The following BTAF1 variants were observed in gnomAD, a reference collection of about 807,000 sequenced individuals.
The protein encoded by BTAF1 is B-TFIID TATA-box binding protein associated factor 1.
A neutral mutation model predicts 227.1 loss-of-function variants in BTAF1; 38 were observed. That is an observed-to-expected ratio of 0.17 (90% CI 0.13 to 0.22). The LOEUF is 0.22. Ranked by LOEUF, BTAF1 falls within the 10% of genes least tolerant of loss-of-function variation. The probability of loss-of-function intolerance (pLI) is 1.00; values close to 1 mark genes in which losing one functional copy is unlikely to be tolerated. For synonymous variants in BTAF1, 742 were observed against 751.9 expected, an observed-to-expected ratio of 0.99 and a Z score of 0.21; for missense variants, 1,598 against 2,204.0, an observed-to-expected ratio of 0.73 and a Z score of 5.51.
At chr10:91,979,057 TTACAGGTGAGAA>T (rs2133973611) in intron 14 of BTAF1, among the ~76,000 whole-genome samples, 1 of 152,160 alleles carries the variant, frequency 6.6e-6, no homozygotes, top group African/African-American at 2.4e-5. Context: ...TAGCTCCCAC[TTACAGGTGAGAA>T]TATGTACTTC....
Position 91,989,423 on chromosome 10 carries a change from G to A in BTAF1, c.2697G>A (p.Gln899=), listed in dbSNP as rs773254244. ...CACTAGTGCAAAACTATGCAGCTCA[G>A]TGCATAGCTAAACTCCTTCAGCAGT... is the stretch of plus-strand genomic sequence containing the variant. ...ENTLVQNYAA[Q]CIAKLLQQCT... is the part of the protein sequence containing the mutation. The change falls in exon 20 of 38, where the codon CAG becomes CAA. Residue 899 remains glutamine (Q), a synonymous_variant. Transcript: ENST00000265990. 1.9e-6 allele frequency: 3 copies of A among 1,614,182 alleles called. No homozygotes were observed. In the South Asian group the frequency reaches 3.3e-5, roughly 18 times the overall value.
chr10:91,959,109 T>G lies in BTAF1; in HGVS notation c.945T>G (p.Ala315=). ...AGTGLREILK[A]HGKSGGKMGD... Reference sequence around the variant, plus strand: ...CTGGACTTAGGGAAATTCTTAAAGCTCATGGGAAAAGTGGTGGTAAAATGG... The same window carrying G: ...CTGGACTTAGGGAAATTCTTAAAGCGCATGGGAAAAGTGGTGGTAAAATGG... The change falls in exon 9 of 38, where the codon GCT becomes GCG. Residue 315 remains alanine (A), a synonymous_variant. Coordinates refer to ENST00000265990, the MANE Select transcript of BTAF1 (RefSeq NM_003972.3). 3.7e-6 allele frequency: 6 copies of G among 1,614,132 alleles called. No homozygotes were observed. Among genetic ancestry groups the G allele is most frequent in the Non-Finnish European group, 4.2e-6 (5 of 1,179,990 alleles).
At chr10:91,998,527 C>A (rs2134058427) in intron 25 of BTAF1, among the ~76,000 whole-genome samples, 1 of 152,132 alleles carries the variant, frequency 6.6e-6, no homozygotes, top group East Asian at 1.9e-4. Flanking sequence ...GGAGTACATT[C>A]ATGGGGGCAC....
chr10:91,991,069 A>AC (rs1204664984), intron 20 of BTAF1, among the ~76,000 whole-genome samples: 1 of 150,532 alleles, frequency 6.6e-6, no homozygotes, highest in African/African-American at 2.4e-5. Flanking sequence ...GCATGGTGAA[A>AC]CCCCGTCTGT....
At chr10:91,948,408 G>T (rs1845535919) in intron 4 of BTAF1, among the ~76,000 whole-genome samples, 2 of 137,512 alleles carry the variant, frequency 1.5e-5, no homozygotes, top group Admixed American at 7.4e-5. Flanking sequence ...TATTTATTTA[G>T]AGACAGGATC....
chr10:91,971,236 G>A (rs994726174), intron 14 of BTAF1, among the ~76,000 whole-genome samples: 1 of 151,818 alleles, frequency 6.6e-6, no homozygotes. Flanking sequence ...TATCTTCAGC[G>A]TATCTCTTTA....
At position 91,957,275 on chromosome 10, in the gene BTAF1, T is replaced by A; in HGVS notation, c.882T>A (p.Leu294=). The change falls in exon 8 of 38, where the codon CTT becomes CTA. Residue 294 remains leucine (L), a synonymous_variant. Coordinates refer to ENST00000265990, the MANE Select transcript of BTAF1 (RefSeq NM_003972.3). The part of the protein sequence containing the change: ...ESFCEELCND[L]FNPSWEVRHG... ...TTTGTGAAGAACTTTGCAATGACCT[T>A]TTTAATCCCTCCTGGGAGGTAAGAT... The A allele has an allele frequency of 6.2e-7, 1 of 1,612,436 alleles. No individual in the cohort carries two copies. Among genetic ancestry groups the A allele is most frequent in the Non-Finnish European group, 8.5e-7 (1 of 1,178,936 alleles).
chr10:92,028,760 T>TTA (rs1554871295), intron 37 of BTAF1, 30 bp from the exon 38 acceptor site: 130 of 543,048 alleles, frequency 2.4e-4, no homozygotes, highest in African/African-American at 1.9e-3. Flanking sequence ...TCTCATTTTA[T>TTA]TTTTTTTTTT....
At chr10:91,953,964 C>A in intron 6 of BTAF1, 91 bp downstream of exon 6, 1 of 1,506,080 alleles carries the variant, frequency 6.6e-7, no homozygotes, top group Non-Finnish European at 9.0e-7. Flanking sequence ...ATTCTGCTGA[C>A]ATATTTAGCT....
chr10:91,956,599 C>A lies in BTAF1; in HGVS notation c.773C>A (p.Ala258Glu). 1 of 1,607,592 alleles carries A rather than the reference C, an allele frequency of 6.2e-7. No individual in the cohort carries two copies. The highest frequency in any genetic ancestry group is 1.3e-5 in the African/African-American group (1 of 74,474). ...GCAAATGTTGTTATTAATCAGTCTG[C>A]AAATGATTCCAAAGTCTTGATTGAT... ...KIANVVINQS[A>E]NDSKVLIDNI... Residue 258 changes from alanine to glutamate, a missense_variant, in exon 7 of 38, where the codon GCA (alanine) becomes GAA (glutamate). Around this residue, in one of 10 missense-constraint regions of BTAF1, gnomAD observed 298 missense variants for 395.2 expected, o/e 0.75. Coordinates refer to ENST00000265990, the MANE Select transcript of BTAF1 (RefSeq NM_003972.3).
rs1844375941 is a variant in BTAF1 at position 91,932,998 on chromosome 10, C to G, written c.15-2659C>G. Among the ~76,000 whole-genome samples, 6 of 152,280 alleles carry G rather than the reference C, an allele frequency of 3.9e-5. No individual in the cohort carries two copies. The South Asian group carries it at 1.2e-3, about 32-fold the overall frequency. On this transcript the variant is annotated intron_variant, in intron 1 of 37. Transcript: ENST00000265990. Reference sequence around the variant, plus strand: ...GGGGCCATTATATCTGCACAGCTGCCTGCTGTTGCAGTGAGGCAGAGTACA... The same window carrying G: ...GGGGCCATTATATCTGCACAGCTGCGTGCTGTTGCAGTGAGGCAGAGTACA...
chr10:91,965,535 T>G (rs2133917813), intron 13 of BTAF1, among the ~76,000 whole-genome samples: 1 of 152,278 alleles, frequency 6.6e-6, no homozygotes, highest in South Asian at 2.1e-4. Flanking sequence ...CTGGATAATA[T>G]AAAAAAGAAT....
chr10:91,995,196 A>G (rs566789177), intron 23 of BTAF1, among the ~76,000 whole-genome samples: 9 of 152,262 alleles, frequency 5.9e-5, no homozygotes, highest in Admixed American at 5.2e-4. Context: ...TATTCTTTTC[A>G]TATCTCTGCA....
At chr10:92,012,696 G>C (rs191600811) in intron 30 of BTAF1, among the ~76,000 whole-genome samples, 1 of 145,980 alleles carries the variant, frequency 6.9e-6, no homozygotes, top group African/African-American at 2.5e-5. Flanking sequence ...ACTTGAACCC[G>C]TGAGGTGGAG....
In BTAF1 at chr10:92,028,820, A is replaced by C. The variant is rs750012295; in HGVS notation, c.5437A>C (p.Thr1813Pro). ...DGKAEKADTS[T>P]SGKASMKSIL... The stretch of plus-strand genomic sequence containing the variant: ...CAAAGCAGAAAAAGCTGACACCTCT[A>C]CTTCTGGGAAAGCAAGTATGAAATC... The change falls in exon 38 of 38, where the codon ACT (threonine) becomes CCT (proline). Residue 1813 changes from threonine (T) to proline (P), a missense_variant. Thr to Pro is a conservative substitution (Grantham distance 38). Transcript: ENST00000265990. The C allele has an allele frequency of 6.2e-7, 1 of 1,606,260 alleles. No individual in the cohort carries two copies. Among genetic ancestry groups the C allele is most frequent in the Non-Finnish European group, 8.5e-7 (1 of 1,177,460 alleles).
intron 14 of BTAF1, 32 bp from the exon 15 acceptor site, chr10:91,980,422 G>T (rs778300371): frequency 6.7e-7 from 1 of 1,484,474 alleles, no homozygotes. Context: ...AGAATTATAT[G>T]CTACAGCTTT....
chr10:91,962,905 T>A (rs963216783), intron 12 of BTAF1, among the ~76,000 whole-genome samples: 3 of 152,100 alleles, frequency 2.0e-5, no homozygotes, highest in Non-Finnish European at 4.4e-5. Context: ...GGAACTTCCT[T>A]GAGAAGAATG....
Position 91,982,603 on chromosome 10 carries a change from T to A in BTAF1, c.2065T>A (p.Cys689Ser). ...CCCTCTTAGGTTGTTAGGAGCACTTTGTTGCTGTATTTGTGATCCAGGTGT... is the reference window on the plus strand; with the variant it reads ...CCCTCTTAGGTTGTTAGGAGCACTTAGTTGCTGTATTTGTGATCCAGGTGT... ...MMAAKLLGAL[C>S]CCICDPGVNV... Residue 689 changes from cysteine (C) to serine (S), a missense_variant, in exon 18 of 38, where the codon TGT becomes AGT. Cys to Ser is a moderately radical substitution (Grantham distance 112, BLOSUM62 -1). Transcript: ENST00000265990. The A allele has an allele frequency of 6.2e-7, 1 of 1,613,474 alleles. No individual in the cohort carries two copies. Among genetic ancestry groups the A allele is most frequent in the Non-Finnish European group, 8.5e-7 (1 of 1,179,730 alleles).
At chr10:91,944,034 C>G (rs1428711500) in intron 4 of BTAF1, among the ~76,000 whole-genome samples, 2 of 151,920 alleles carry the variant, frequency 1.3e-5, no homozygotes, top group Non-Finnish European at 2.9e-5. Flanking sequence ...GCCTGTAATC[C>G]CAGCTACTCT....
Sources: gnomAD v4.1 joint callset for allele counts (sites outside exome capture counted in the v4.1 genomes callset) on GRCh38, gnomAD v4.1.1 for gene constraint, gnomAD v4.1.1 regional missense constraint, MANE v1.5 for transcripts, NCBI Gene and HGNC (gene_info 2026-07-23, HGNC 2026-07-21) for gene names.